The following GPC6 variants were observed in gnomAD, a reference collection of about 807,000 sequenced individuals.
The protein encoded by GPC6 is glypican 6.
In GPC6, 14 loss-of-function variants were observed where a neutral mutation model predicts 55.2. That is an observed-to-expected ratio of 0.25 (90% CI 0.17 to 0.40). The LOEUF is 0.40. GPC6 is among the 10% of genes least tolerant of loss of function. The pLI is 1.00. For synonymous variants in GPC6, 278 were observed against 259.6 expected (o/e 1.07, Z -0.68); for missense variants, 641 against 708.5 (o/e 0.90, Z 1.08).
intron 4 of GPC6, among the ~76,000 whole-genome samples, chr13:94,105,239 G>C (rs1886010019): frequency 6.6e-6 from 1 of 152,128 alleles, no homozygotes; most frequent in Non-Finnish European, 1.5e-5. Flanking sequence ...TGCACCTGCA[G>C]TCCCAGCAAC....
intron 5 of GPC6, among the ~76,000 whole-genome samples, chr13:94,292,988 T>C (rs375120814): frequency 7.2e-5 from 11 of 152,202 alleles, no homozygotes; most frequent in African/African-American, 2.7e-4. Flanking sequence ...GGTAATAACA[T>C]GACGCTCATT....
chr13:93,990,969 G>T (rs143963820), intron 3 of GPC6, among the ~76,000 whole-genome samples: 1 of 151,456 alleles, frequency 6.6e-6, no homozygotes, highest in African/African-American at 2.4e-5. Flanking sequence ...AAGAAGGAAG[G>T]AAGGAAGGAA....
At chr13:94,232,529 T>G (rs976991919) in intron 4 of GPC6, among the ~76,000 whole-genome samples, 5 of 151,104 alleles carry the variant, frequency 3.3e-5, no homozygotes, top group African/African-American at 4.8e-5. Context: ...AGGAGGTGGG[T>G]TTTTTTTGGG....
At chr13:94,128,082 C>T (rs987678364) in intron 4 of GPC6, among the ~76,000 whole-genome samples, 3 of 152,234 alleles carry the variant, frequency 2.0e-5, no homozygotes, top group African/African-American at 4.8e-5. Flanking sequence ...ACTTATTAAT[C>T]AGCACTTAAT....
intron 1 of GPC6, among the ~76,000 whole-genome samples, chr13:93,272,922 T>C (rs1260717561): frequency 3.3e-5 from 5 of 152,242 alleles, no homozygotes; most frequent in Non-Finnish European, 7.3e-5. Flanking sequence ...AAAAAGCTGG[T>C]ATTTGATTAT....
intron 1 of GPC6, among the ~76,000 whole-genome samples, chr13:93,399,355 A>G (rs933581238): frequency 1.3e-5 from 2 of 152,228 alleles, no homozygotes; most frequent in African/African-American, 4.8e-5. Context: ...ACATGAATGC[A>G]GAAACCATGC....
At chr13:94,125,270 G>C (rs1372014155) in intron 4 of GPC6, among the ~76,000 whole-genome samples, 2 of 152,006 alleles carry the variant, frequency 1.3e-5, no homozygotes. Flanking sequence ...ACAATGTCTT[G>C]TATGAAACAT....
At chr13:94,339,974 T>G (rs9516396) in intron 6 of GPC6, among the ~76,000 whole-genome samples, 13,695 of 151,756 alleles carry the variant, frequency 0.09, 720 homozygotes, top group African/African-American at 0.12. Context: ...TGTTGGTCAG[T>G]CTGGTCTCAA....
intron 1 of GPC6, among the ~76,000 whole-genome samples, chr13:93,389,183 T>C (rs1270130332): frequency 6.6e-6 from 1 of 151,968 alleles, no homozygotes; most frequent in Admixed American, 6.6e-5. Flanking sequence ...TAATTACTGC[T>C]AGAAATACTC....
At chr13:93,896,629 A>G (rs1876026565) in intron 3 of GPC6, among the ~76,000 whole-genome samples, 1 of 152,088 alleles carries the variant, frequency 6.6e-6, no homozygotes, top group Non-Finnish European at 1.5e-5. Flanking sequence ...ACACAAAATT[A>G]TCATTTAAGT....
At chr13:94,249,210 C>T (rs1891280798) in intron 4 of GPC6, among the ~76,000 whole-genome samples, 1 of 152,126 alleles carries the variant, frequency 6.6e-6, no homozygotes, top group African/African-American at 2.4e-5. Context: ...ATTGTGCTTC[C>T]TATCTAATTT....
chr13:94,378,815 C>T (rs1298275043), intron 6 of GPC6, among the ~76,000 whole-genome samples: 2 of 152,114 alleles, frequency 1.3e-5, no homozygotes, highest in African/African-American at 4.8e-5. Flanking sequence ...AATATTGGAG[C>T]GATCGTAAAT....
chr13:94,400,246 T>G (rs1008374108), intron 8 of GPC6, among the ~76,000 whole-genome samples: 26 of 152,342 alleles, frequency 1.7e-4, no homozygotes, highest in African/African-American at 6.3e-4. Context: ...CTTATTGCTT[T>G]GAACATTTTT....
At chr13:94,334,020 C>T (rs972531327) in intron 6 of GPC6, among the ~76,000 whole-genome samples, 2 of 152,186 alleles carry the variant, frequency 1.3e-5, no homozygotes, top group African/African-American at 2.4e-5. Flanking sequence ...CACCCTCTTT[C>T]TGTTTTCTGA....
At chr13:93,603,957 A>T (rs1337894600) in intron 2 of GPC6, among the ~76,000 whole-genome samples, 2 of 152,244 alleles carry the variant, frequency 1.3e-5, no homozygotes, top group Non-Finnish European at 2.9e-5. Context: ...AAAAATCTGG[A>T]ATAGAAAAAT....
rs554697683 is a variant in GPC6, at chr13:93,379,243, A to G, written c.160+151627A>G. The stretch of plus-strand genomic sequence containing the variant: ...ATTTTCCATTTATCCCAGGACCTAT[A>G]TAGTGAGCAAATTATTGTCTATAAT... On this transcript the variant is annotated intron_variant, in intron 1 of 8. Coordinates refer to ENST00000377047, the MANE Select transcript of GPC6 (RefSeq NM_005708.5). 3.9e-5 allele frequency among the ~76,000 whole-genome samples: 6 copies of G among 152,276 alleles called. No individual in the cohort carries two copies. In the East Asian group the frequency reaches 1.2e-3, roughly 29 times the overall value.
intron 4 of GPC6, among the ~76,000 whole-genome samples, chr13:94,160,755 G>T (rs769626670): frequency 6.6e-6 from 1 of 152,012 alleles, no homozygotes; most frequent in South Asian, 2.1e-4. Context: ...TCTTCGTTTC[G>T]TTCATGTATA....
chr13:93,810,100 A>T (rs1886653407), intron 2 of GPC6, among the ~76,000 whole-genome samples: 1 of 152,050 alleles, frequency 6.6e-6, no homozygotes, highest in Non-Finnish European at 1.5e-5. Flanking sequence ...CTGGTGGCCC[A>T]CCAGTGTTTT....
At chr13:94,046,459 A>G (rs2138746864) in intron 4 of GPC6, among the ~76,000 whole-genome samples, 1 of 152,152 alleles carries the variant, frequency 6.6e-6, no homozygotes, top group East Asian at 1.9e-4. Context: ...GAGAGGAGAA[A>G]GAACTTCACT....
Sources: allele counts gnomAD v4.1 joint callset (sites outside exome capture counted in the v4.1 genomes callset), GRCh38; gene constraint gnomAD v4.1.1; transcripts MANE v1.5; gene names NCBI Gene and HGNC (gene_info 2026-07-23, HGNC 2026-07-21).